Variants in UTRN observed in about 807,000 individuals in gnomAD.
UTRN encodes the protein dystrophin-related protein 1.
Under a neutral mutation model 463.9 loss-of-function variants are expected in UTRN, and 283 were observed. The ratio of observed to expected loss-of-function variants is 0.61; its 90% confidence interval spans 0.55 to 0.67. UTRN has a LOEUF of 0.67. Ranked by LOEUF, UTRN falls within the 30% of genes least tolerant of loss-of-function variation. The probability of loss-of-function intolerance (pLI) is 0.00; values close to 1 mark genes in which losing one functional copy is unlikely to be tolerated. For missense variants in UTRN, 3,922 were observed against 4,084.3 expected (o/e 0.96, Z 1.08); for synonymous variants, 1,442 against 1,431.5 (o/e 1.01, Z -0.17).
chr6:144,447,177 G>T (rs1243136748), intron 14 of UTRN, 34 bp from the exon 15 acceptor site: 1 of 1,573,200 alleles, frequency 6.4e-7, no homozygotes, highest in Non-Finnish European at 8.7e-7. Context: ...AAATGATTTT[G>T]CAGATAAAGT....
intron 51 of UTRN, among the ~76,000 whole-genome samples, chr6:144,589,881 G>T (rs933209649): frequency 6.6e-6 from 1 of 151,306 alleles, no homozygotes; most frequent in African/African-American, 2.4e-5. Context: ...TTTGAGACAG[G>T]GTCTCTGTCA....
At chr6:144,801,205 C>G (rs555888271) in intron 64 of UTRN, among the ~76,000 whole-genome samples, 1 of 151,994 alleles carries the variant, frequency 6.6e-6, no homozygotes, top group South Asian at 2.1e-4. Flanking sequence ...ATTTGTATTT[C>G]GAATGAGAGA....
chr6:144,494,458 A>C (rs1000700534), intron 33 of UTRN, among the ~76,000 whole-genome samples: 3 of 152,228 alleles, frequency 2.0e-5, no homozygotes, highest in African/African-American at 7.2e-5. Flanking sequence ...GTGGACCCAA[A>C]GAGTGAGCAG....
At chr6:144,296,553 T>A (rs1253396879) in intron 2 of UTRN, among the ~76,000 whole-genome samples, 1 of 152,216 alleles carries the variant, frequency 6.6e-6, no homozygotes, top group Non-Finnish European at 1.5e-5. Context: ...GTTTATTCAA[T>A]GATAAAGGCT....
chr6:144,351,367 T>G (rs1778094351), intron 2 of UTRN, among the ~76,000 whole-genome samples: 1 of 152,242 alleles, frequency 6.6e-6, no homozygotes, highest in South Asian at 2.1e-4. Flanking sequence ...CAGTGTGTCC[T>G]CGTCCTTCAA....
intron 54 of UTRN, among the ~76,000 whole-genome samples, chr6:144,738,146 A>AT (rs962694542): frequency 5.9e-5 from 9 of 152,132 alleles, no homozygotes; most frequent in African/African-American, 2.2e-4. Flanking sequence ...CATCCCTTCG[A>AT]TTTTATCTCC....
At chr6:144,409,900 C>A (rs1044706306) in intron 3 of UTRN, among the ~76,000 whole-genome samples, 1 of 152,178 alleles carries the variant, frequency 6.6e-6, no homozygotes, top group East Asian at 1.9e-4. Context: ...TAAGTGCATG[C>A]AGGCAGTTGG....
intron 2 of UTRN, among the ~76,000 whole-genome samples, chr6:144,331,453 G>A (rs1401007643): frequency 2.0e-5 from 3 of 152,164 alleles, no homozygotes; most frequent in African/African-American, 7.2e-5. Flanking sequence ...ACCGAAAAGT[G>A]TCTGTTGTAT....
intron 2 of UTRN, among the ~76,000 whole-genome samples, chr6:144,302,701 A>G (rs573366664): frequency 6.6e-6 from 1 of 152,242 alleles, no homozygotes; most frequent in East Asian, 1.9e-4. Flanking sequence ...AAACATCCCC[A>G]CACAAACCAG....
chr6:144,827,239 A>T, intron 66 of UTRN, 109 bp from the exon 67 acceptor site: 1 of 1,319,498 alleles, frequency 7.6e-7, no homozygotes, highest in Non-Finnish European at 1.1e-6. Context: ...GCAACCACAT[A>T]TATGAGCGGA....
chr6:144,550,239 T>C (rs1023204600), intron 47 of UTRN, among the ~76,000 whole-genome samples: 1 of 152,174 alleles, frequency 6.6e-6, no homozygotes, highest in Non-Finnish European at 1.5e-5. Flanking sequence ...TTGTGAGCAA[T>C]CCATTTAGAA....
chr6:144,370,273 G>A (rs1387479505), intron 2 of UTRN, among the ~76,000 whole-genome samples: 1 of 152,182 alleles, frequency 6.6e-6, no homozygotes, highest in Admixed American at 6.5e-5. Flanking sequence ...CAGGCCCAGG[G>A]CCCTGCTGCT....
chr6:144,649,810 T>C (rs752017110), intron 51 of UTRN, among the ~76,000 whole-genome samples: 39 of 152,122 alleles, frequency 2.6e-4, no homozygotes, highest in Non-Finnish European at 4.0e-4. Flanking sequence ...AATGAGGAAA[T>C]AGAAGGTGAG....
At chr6:144,622,184 GTTTTT>G (rs1199579909) in intron 51 of UTRN, among the ~76,000 whole-genome samples, 1 of 88,202 alleles carries the variant, frequency 1.1e-5, no homozygotes, top group Non-Finnish European at 2.1e-5. Context: ...TTTTTTTGTT[GTTTTT>G]TTTTTTTTTT....
chr6:144,638,592 C>T (rs758202826), intron 51 of UTRN, among the ~76,000 whole-genome samples: 1 of 152,066 alleles, frequency 6.6e-6, no homozygotes, highest in South Asian at 2.1e-4. Flanking sequence ...GATACAACAT[C>T]CATTTTCTTA....
At chr6:144,559,795 C>T (rs1799701640) in intron 50 of UTRN, among the ~76,000 whole-genome samples, 1 of 152,098 alleles carries the variant, frequency 6.6e-6, no homozygotes, top group South Asian at 2.1e-4. Context: ...CACCCTCCCC[C>T]TGAAAAGAAA....
At chr6:144,743,242 A>G (rs1790300207) in intron 54 of UTRN, among the ~76,000 whole-genome samples, 1 of 152,266 alleles carries the variant, frequency 6.6e-6, no homozygotes, top group Non-Finnish European at 1.5e-5. Context: ...GTAAGTGTAG[A>G]AAAGCCACAA....
chr6:144,568,558 A>G (rs904233470), intron 50 of UTRN, among the ~76,000 whole-genome samples: 16 of 152,340 alleles, frequency 1.1e-4, no homozygotes, highest in Middle Eastern at 3.4e-3. Flanking sequence ...ATGCAAGTTC[A>G]GTGCTGGATG....
chr6:144,786,147 G>C (rs1002258533), intron 61 of UTRN, among the ~76,000 whole-genome samples: 1 of 152,106 alleles, frequency 6.6e-6, no homozygotes, highest in African/African-American at 2.4e-5. Flanking sequence ...ATATTTTACT[G>C]TCTCCCTCTT....
Sources: gnomAD v4.1 joint callset for allele counts (sites outside exome capture counted in the v4.1 genomes callset) on GRCh38, gnomAD v4.1.1 for gene constraint, MANE v1.5 for transcripts, NCBI Gene and HGNC (gene_info 2026-07-23, HGNC 2026-07-21) for gene names.